MLLT10: variants seen among roughly 807,000 people sequenced by gnomAD.
MLLT10 encodes protein AF-10.
In MLLT10, 30 loss-of-function variants were observed where a neutral mutation model predicts 129.1. That is an observed-to-expected ratio of 0.23 (90% CI 0.17 to 0.32). MLLT10 has a LOEUF of 0.32. MLLT10 is among the 10% of genes least tolerant of loss of function. MLLT10 has a pLI of 1.00. For synonymous variants in MLLT10, 490 were observed against 446.4 expected (o/e 1.10, Z -1.23); for missense variants, 1,119 against 1,268.3 (o/e 0.88, Z 1.79).
At chr10:21,613,797 C>T (rs1278790676) in intron 6 of MLLT10, among the ~76,000 whole-genome samples, 2 of 151,774 alleles carry the variant, frequency 1.3e-5, no homozygotes, top group African/African-American at 2.4e-5. Flanking sequence ...CCCAGCTACT[C>T]GGGAGGCTGA....
intron 5 of MLLT10, among the ~76,000 whole-genome samples, chr10:21,601,026 T>C (rs373866782): frequency 1.3e-5 from 2 of 152,260 alleles, no homozygotes; most frequent in East Asian, 3.9e-4. Context: ...TCACTGTAGC[T>C]TCTACTTCCC....
rs2058113067 is a variant in MLLT10, at chr10:21,733,450, C to T, written c.2408-54C>T. On this transcript the variant is annotated intron_variant, in intron 18 of 22. Transcript: ENST00000307729. Reference sequence around the variant, plus strand: ...TTTTTAATAAGCCTTTAATCTTACACATAATGTAATTTAATAGGGTAAATA... The same window carrying T: ...TTTTTAATAAGCCTTTAATCTTACATATAATGTAATTTAATAGGGTAAATA... 10 of 1,125,736 alleles carry T rather than the reference C, an allele frequency of 8.9e-6. No homozygotes were observed. In the South Asian group the frequency reaches 9.5e-5, roughly 11 times the overall value. 69.7% of individuals were successfully genotyped at this position (1,125,736 alleles called of 1,614,324 possible).
intron 13 of MLLT10, among the ~76,000 whole-genome samples, chr10:21,704,016 GTTTT>G (rs60982595): frequency 0.013 from 757 of 56,642 alleles, 11 homozygotes; most frequent in African/African-American, 0.052. Context: ...ATTGTTTTTT[GTTTT>G]TTTTTTTTTT....
intron 4 of MLLT10, among the ~76,000 whole-genome samples, chr10:21,591,165 C>T (rs533497603): frequency 2.6e-5 from 4 of 152,118 alleles, no homozygotes; most frequent in Non-Finnish European, 5.9e-5. Flanking sequence ...TCAAGCGATC[C>T]TCCTACCTTA....
intron 13 of MLLT10, among the ~76,000 whole-genome samples, chr10:21,686,637 A>C (rs2053318774): frequency 6.6e-6 from 1 of 152,192 alleles, no homozygotes; most frequent in Admixed American, 6.5e-5. Context: ...TCTGAGAAAG[A>C]ACAAATGAAG....
In MLLT10 at chr10:21,601,834, G is replaced by T. The variant is rs143800921; in HGVS notation, c.405+6394G>T. Among the ~76,000 whole-genome samples the T allele has an allele frequency of 2.1e-3, 318 of 152,228 alleles. 1 individual carries two copies. The highest frequency in any genetic ancestry group is 7.1e-3 in the African/African-American group (293 of 41,542). On this transcript the variant is annotated intron_variant, in intron 5 of 22. Transcript: ENST00000307729. ...GGATTACTGTCAGCCACTATGCCTGGCCCTATCTCAGTTTTTTGTTTTTGT... is the reference window on the plus strand; with the variant it reads ...GGATTACTGTCAGCCACTATGCCTGTCCCTATCTCAGTTTTTTGTTTTTGT...
intron 5 of MLLT10, among the ~76,000 whole-genome samples, chr10:21,604,874 T>C (rs72794858): frequency 0.064 from 9,703 of 151,838 alleles, 427 homozygotes; most frequent in Middle Eastern, 0.18. Flanking sequence ...TTTTTTTTTT[T>C]CTTATGACTG....
intron 8 of MLLT10, among the ~76,000 whole-genome samples, chr10:21,634,906 A>G (rs550787753): frequency 6.6e-6 from 1 of 152,152 alleles, no homozygotes; most frequent in Non-Finnish European, 1.5e-5. Context: ...AGTTTATAAA[A>G]ATTTCCTTAA....
chr10:21,701,544 A>G (rs1432381715), intron 13 of MLLT10, among the ~76,000 whole-genome samples: 1 of 151,816 alleles, frequency 6.6e-6, no homozygotes, highest in Non-Finnish European at 1.5e-5. Flanking sequence ...TTTTATATCC[A>G]TCTTAATTTC....
At chr10:21,666,160 T>C (rs2050772851) in intron 9 of MLLT10, among the ~76,000 whole-genome samples, 2 of 152,204 alleles carry the variant, frequency 1.3e-5, no homozygotes, top group African/African-American at 4.8e-5. Context: ...TTGTATTGTT[T>C]GATTTAGAGA....
chr10:21,554,706 C>T (rs959134802), intron 3 of MLLT10, among the ~76,000 whole-genome samples: 7 of 151,674 alleles, frequency 4.6e-5, no homozygotes, highest in Non-Finnish European at 7.4e-5. Flanking sequence ...GTGATCTGCC[C>T]GCCTCGGCCT....
intron 2 of MLLT10, among the ~76,000 whole-genome samples, chr10:21,536,789 C>G (rs957757838): frequency 4.8e-5 from 7 of 144,586 alleles, no homozygotes; most frequent in African/African-American, 1.8e-4. Context: ...TTGGTCTTGA[C>G]TTTTTTTTTT....
intron 13 of MLLT10, among the ~76,000 whole-genome samples, chr10:21,698,723 C>G (rs1026955329): frequency 6.6e-6 from 1 of 152,174 alleles, no homozygotes; most frequent in Non-Finnish European, 1.5e-5. Flanking sequence ...TCTCCACATC[C>G]TCAGCAACAT....
intron 5 of MLLT10, among the ~76,000 whole-genome samples, chr10:21,607,680 G>T (rs1039075424): frequency 3.3e-5 from 5 of 152,060 alleles, no homozygotes; most frequent in Non-Finnish European, 7.4e-5. Flanking sequence ...TGTCACATTT[G>T]TATATGTTAC....
At chr10:21,570,888 G>A (rs1473325709) in intron 3 of MLLT10, among the ~76,000 whole-genome samples, 1 of 151,926 alleles carries the variant, frequency 6.6e-6, no homozygotes, top group African/African-American at 2.4e-5. Flanking sequence ...AATTTTGATT[G>A]ACTTTTTAGC....
chr10:21,673,337 T>TA lies in MLLT10; in HGVS notation c.1052-13_1052-12insA. ...CCCCAACTTTTTTTTTTTTTTTTTT[T>TA]TTTAAACTACAGGCAGTTTTTCAGG... On this transcript the variant is annotated splice_polypyrimidine_tract_variant and intron_variant, in intron 10 of 22. Coordinates refer to ENST00000307729, the MANE Select transcript of MLLT10 (RefSeq NM_001195626.3). 1 of 1,053,594 alleles carries TA rather than the reference T, an allele frequency of 9.5e-7. No homozygotes were observed. The highest frequency in any genetic ancestry group is 1.2e-6 in the Non-Finnish European group (1 of 801,264). 65.3% of individuals were successfully genotyped at this position (1,053,594 alleles called of 1,614,324 possible).
At chr10:21,737,348 G>C (rs569146179) in intron 21 of MLLT10, among the ~76,000 whole-genome samples, 1 of 152,198 alleles carries the variant, frequency 6.6e-6, no homozygotes, top group African/African-American at 2.4e-5. Context: ...AGCAGAGGAA[G>C]GGGAAGCAGG....
chr10:21,636,877 A>G (rs2047513677), intron 8 of MLLT10, among the ~76,000 whole-genome samples: 1 of 152,210 alleles, frequency 6.6e-6, no homozygotes, highest in African/African-American at 2.4e-5. Flanking sequence ...GTAGTTGTGT[A>G]TACATTTATA....
chr10:21,707,067 C>G (rs1589744567), intron 13 of MLLT10, among the ~76,000 whole-genome samples: 1 of 152,170 alleles, frequency 6.6e-6, no homozygotes, highest in Non-Finnish European at 1.5e-5. Flanking sequence ...AAGAAAACTT[C>G]CATTCCTCCT....
Sources: gnomAD v4.1 joint callset for allele counts (sites outside exome capture counted in the v4.1 genomes callset) on GRCh38, gnomAD v4.1.1 for gene constraint, MANE v1.5 for transcripts, NCBI Gene and HGNC (gene_info 2026-07-23, HGNC 2026-07-21) for gene names.